The following TDRD3 variants were observed in gnomAD, a reference collection of about 807,000 sequenced individuals.
The protein encoded by TDRD3 is tudor domain containing 3.
In TDRD3, 45 loss-of-function variants were observed where a neutral mutation model predicts 86.7. The ratio of observed to expected loss-of-function variants is 0.52; its 90% CI spans 0.41 to 0.67. The LOEUF (loss-of-function observed/expected upper bound fraction) is 0.67, where lower values mean the gene tolerates loss of function less well. TDRD3 is among the 30% of genes least tolerant of loss of function. The pLI is 0.00. For synonymous variants in TDRD3, 298 were observed against 301.7 expected, an observed-to-expected ratio of 0.99 and a Z score of 0.13; for missense variants, 814 against 889.0, an observed-to-expected ratio of 0.92 and a Z score of 1.07.
At chr13:60,484,660 A>G (rs1202682640) in intron 6 of TDRD3, 1 of 444,102 alleles carries the variant, frequency 2.3e-6, no homozygotes, top group African/African-American at 2.0e-5. Context: ...TGAAGCATTT[A>G]AAAAATAATG....
chr13:60,401,027 TCCAGG>T (rs1954082778), intron 1 of TDRD3, among the ~76,000 whole-genome samples: 1 of 152,164 alleles, frequency 6.6e-6, no homozygotes, highest in Non-Finnish European at 1.5e-5. Context: ...ACTTTCCTAG[TCCAGG>T]AAAGATAAAG....
At chr13:60,476,931 A>T (rs1173374467) in intron 5 of TDRD3, among the ~76,000 whole-genome samples, 2 of 152,090 alleles carry the variant, frequency 1.3e-5, no homozygotes, top group African/African-American at 4.8e-5. Context: ...GAATTTGTTT[A>T]TCGGCTCTAG....
At chr13:60,557,163 G>GC (rs1190283040) in intron 12 of TDRD3, among the ~76,000 whole-genome samples, 1 of 142,834 alleles carries the variant, frequency 7.0e-6, no homozygotes, top group Admixed American at 7.4e-5. Flanking sequence ...CCGAGATTGT[G>GC]CCATCGCACT....
intron 1 of TDRD3, among the ~76,000 whole-genome samples, chr13:60,416,905 A>G (rs1245805957): frequency 6.6e-6 from 1 of 151,778 alleles, no homozygotes; most frequent in Non-Finnish European, 1.5e-5. Flanking sequence ...TTTTTATGAT[A>G]TTCTTATCAT....
Position 60,452,703 on chromosome 13 carries a change from A to G in TDRD3, c.193-7677A>G, listed in dbSNP as rs115588039. ...CCCACATTTTGTCCTTCCACTTACT[A>G]TTAGTTTGGTGCAAAAGTAATTGCA... On this transcript the variant is annotated intron_variant, in intron 3 of 13. Coordinates refer to ENST00000377881, the MANE Select transcript of TDRD3 (RefSeq NM_001146070.2). Among the ~76,000 whole-genome samples, 1,040 of 152,080 alleles carry G rather than the reference A, an allele frequency of 6.8e-3. 7 individuals are homozygous for G. Among genetic ancestry groups the G allele is most frequent in the African/African-American group, 0.023 (961 of 41,538 alleles).
chr13:60,560,607 T>C (rs182552407), intron 12 of TDRD3, among the ~76,000 whole-genome samples: 31 of 152,224 alleles, frequency 2.0e-4, no homozygotes, highest in South Asian at 4.1e-4. Context: ...TTGCTTCTAG[T>C]GTCATTTAAA....
chr13:60,532,702 A>G (rs1356116076), intron 11 of TDRD3, among the ~76,000 whole-genome samples: 2 of 152,144 alleles, frequency 1.3e-5, no homozygotes, highest in African/African-American at 4.8e-5. Flanking sequence ...GAACTTCTGG[A>G]AAGTTCTTCT....
rs869194148 is a variant in TDRD3, at chr13:60,565,041, C to CTTTTTTTTTT, written c.2119-2461_2119-2452dup. On this transcript the variant is annotated intron_variant, in intron 12 of 13. Transcript: ENST00000377881. Reference sequence around the variant, plus strand: ...GAACTGAAAACCAAACTATCAGTATCTTTTTTTTTTTTTTTTTTTTTTTTT... The same window carrying CTTTTTTTTTT: ...GAACTGAAAACCAAACTATCAGTATCTTTTTTTTTTTTTTTTTTTTTTTTTTTTTTTTTTT... Among the ~76,000 whole-genome samples the CTTTTTTTTTT allele has an allele frequency of 4.4e-4, 31 of 70,880 alleles. 5 individuals carry two copies. Among genetic ancestry groups the CTTTTTTTTTT allele is most frequent in the African/African-American group, 1.6e-3 (26 of 16,184 alleles). 46.5% of individuals were successfully genotyped at this position (70,880 alleles called of 152,430 possible). A position where few individuals can be genotyped will look rare whatever the true frequency, so the allele number is the denominator to read the frequency against.
intron 8 of TDRD3, among the ~76,000 whole-genome samples, chr13:60,500,290 A>AAGTTGTAT (rs1231821904): frequency 2.0e-5 from 3 of 152,126 alleles, no homozygotes; most frequent in African/African-American, 7.2e-5. Context: ...TATCAAATGG[A>AAGTTGTAT]AGTTGTATAT....
At chr13:60,438,656 T>C (rs1955178496) in intron 1 of TDRD3, among the ~76,000 whole-genome samples, 1 of 152,130 alleles carries the variant, frequency 6.6e-6, no homozygotes, top group African/African-American at 2.4e-5. Context: ...ATTCTCTACT[T>C]CTTAAAGGCA....
At chr13:60,534,927 C>CAAAAAA (rs75394722) in intron 11 of TDRD3, among the ~76,000 whole-genome samples, 181 bp from the exon 12 acceptor site, 3 of 54,722 alleles carry the variant, frequency 5.5e-5, no homozygotes, top group African/African-American at 6.7e-5. Context: ...GACCCTGTCT[C>CAAAAAA]AAAAAAAAAA....
intron 13 of TDRD3, among the ~76,000 whole-genome samples, chr13:60,568,876 GACAA>G (rs559048932): frequency 5.3e-5 from 8 of 152,240 alleles, no homozygotes; most frequent in South Asian, 2.1e-4. Context: ...TATTAAAACT[GACAA>G]ACAAATTCAG....
At chr13:60,499,742 T>C (rs986204860) in intron 8 of TDRD3, among the ~76,000 whole-genome samples, 3 of 152,192 alleles carry the variant, frequency 2.0e-5, no homozygotes, top group Non-Finnish European at 4.4e-5. Context: ...CGTGTTGAGA[T>C]ATTCGTTCTA....
At chr13:60,443,374 A>C (rs1255632259) in intron 2 of TDRD3, among the ~76,000 whole-genome samples, 3 of 152,050 alleles carry the variant, frequency 2.0e-5, no homozygotes, top group Non-Finnish European at 2.9e-5. Context: ...GGTTGTAAAA[A>C]GCATAAGTCT....
At chr13:60,550,340 T>A (rs1056224733) in intron 12 of TDRD3, among the ~76,000 whole-genome samples, 2 of 152,120 alleles carry the variant, frequency 1.3e-5, no homozygotes, top group African/African-American at 2.4e-5. Context: ...AGGATAAATG[T>A]CTTGGAACAT....
intron 5 of TDRD3, among the ~76,000 whole-genome samples, chr13:60,479,341 T>G (rs1956264004): frequency 6.6e-6 from 1 of 152,246 alleles, no homozygotes; most frequent in Non-Finnish European, 1.5e-5. Flanking sequence ...CTATTTTTAA[T>G]GCACTGTGGT....
At chr13:60,424,140 G>T (rs1280268882) in intron 1 of TDRD3, among the ~76,000 whole-genome samples, 1 of 151,744 alleles carries the variant, frequency 6.6e-6, no homozygotes, top group Non-Finnish European at 1.5e-5. Context: ...TCCTGTCTTA[G>T]CCTCCCGAGT....
chr13:60,493,519 G>A (rs1053996637), intron 7 of TDRD3, among the ~76,000 whole-genome samples: 9 of 151,838 alleles, frequency 5.9e-5, no homozygotes, highest in Non-Finnish European at 8.8e-5. Flanking sequence ...AAAATTAGCC[G>A]GGTGGTAGTG....
intron 1 of TDRD3, among the ~76,000 whole-genome samples, chr13:60,432,202 A>T (rs1594925770): frequency 6.6e-6 from 1 of 152,094 alleles, no homozygotes; most frequent in East Asian, 1.9e-4. Flanking sequence ...TATTATGCTT[A>T]ATAGAGCTTT....
Sources: gnomAD v4.1 joint callset for allele counts (sites outside exome capture counted in the v4.1 genomes callset) on GRCh38, gnomAD v4.1.1 for gene constraint, MANE v1.5 for transcripts, NCBI Gene and HGNC (gene_info 2026-07-23, HGNC 2026-07-21) for gene names.